ITGA1: variants seen among roughly 807,000 people sequenced by gnomAD.
ITGA1 encodes integrin alpha-1.
ITGA1 carries 85 observed loss-of-function variants against 145.9 expected under a neutral mutation model. The ratio of observed to expected loss-of-function variants is 0.58; its 90% confidence interval spans 0.49 to 0.70. ITGA1 has a LOEUF of 0.70. Ranked by LOEUF, ITGA1 falls within the 30% of genes least tolerant of loss-of-function variation. The pLI, the probability that ITGA1 is intolerant of heterozygous loss-of-function variation, is 0.00. For synonymous variants in ITGA1, 520 were observed against 495.3 expected (o/e 1.05, Z -0.66); for missense variants, 1,351 against 1,418.7 (o/e 0.95, Z 0.77).
chr5:52,801,405 C>G, intron 1 of ITGA1: 1 of 1,604,638 alleles, frequency 6.2e-7, no homozygotes, highest in Non-Finnish European at 8.5e-7. Flanking sequence ...AATTGTGATT[C>G]TAGGTACATG....
At chr5:52,848,474 C>T (rs148608998) in intron 1 of ITGA1, among the ~76,000 whole-genome samples, 1 of 152,270 alleles carries the variant, frequency 6.6e-6, no homozygotes, top group African/African-American at 2.4e-5. Context: ...CTGAAAACCT[C>T]AGCTCTAGGA....
chr5:52,881,939 G>A lies in ITGA1; in HGVS notation c.691G>A (p.Glu231Lys), dbSNP rs566771453. 512 of 1,613,798 alleles carry A rather than the reference G, an allele frequency of 3.2e-4. 5 individuals carry two copies. The South Asian group carries it at 4.9e-3, about 15-fold the overall frequency. Residue 231 changes from glutamate to lysine, a missense_variant, in exon 7 of 29, where the codon GAA becomes AAA. Transcript: ENST00000282588. ...CAACCTCAATAAGTATTCTTCCACC[G>A]AAGAGGTACTTGTTGCAGCAAAGAA... ...EFNLNKYSST[E>K]EVLVAAKKIV...
intron 6 of ITGA1, among the ~76,000 whole-genome samples, chr5:52,878,693 T>C (rs1304197900): frequency 6.6e-6 from 1 of 152,062 alleles, no homozygotes; most frequent in Non-Finnish European, 1.5e-5. Flanking sequence ...TAGTAAAAAA[T>C]AGTTGTAGTG....
At position 52,925,286 on chromosome 5, in the gene ITGA1, TG is replaced by T; in HGVS notation, c.2413del (p.Ala805ProfsTer26). On this transcript the variant is annotated frameshift_variant, in exon 19 of 29. Coordinates refer to ENST00000282588, the MANE Select transcript of ITGA1 (RefSeq NM_181501.2). LOFTEE classifies it high-confidence loss of function. The part of the protein sequence containing the change: ...PNSVHEYIPF[A>X]KDCGNKEKCI... ...TCCTGTCATCATTTCAGATTCCCTT[TG>T]CCAAAGATTGTGGAAATAAGGAAAA... The T allele has an allele frequency of 6.2e-7, 1 of 1,613,618 alleles. No individual in the cohort carries two copies. The highest frequency in any genetic ancestry group is 8.5e-7 in the Non-Finnish European group (1 of 1,179,542).
rs779902266 is a variant in ITGA1 at position 52,800,380 on chromosome 5, GC to G, written c.61+11970del. On this transcript the variant is annotated intron_variant, in intron 1 of 28. Transcript: ENST00000282588. The stretch of plus-strand genomic sequence containing the variant: ...TTGGTTCCTTTGGTTCTGTCAGTGA[GC>G]CCCTTCCTTGGCCATGAAGCTCGTG... 1.9e-6 allele frequency: 3 copies of G among 1,613,408 alleles called. No individual in the cohort carries two copies. In the Admixed American group the frequency reaches 5.0e-5, roughly 27 times the overall value.
chr5:52,865,171 T>A, intron 5 of ITGA1, 89 bp downstream of exon 5: 1 of 942,806 alleles, frequency 1.1e-6, no homozygotes, highest in Non-Finnish European at 1.6e-6. Context: ...CCAAAAAGCT[T>A]AAAGTATTTT....
At chr5:52,812,021 C>T (rs1232045354) in intron 1 of ITGA1, among the ~76,000 whole-genome samples, 3 of 152,142 alleles carry the variant, frequency 2.0e-5, no homozygotes, top group Admixed American at 1.3e-4. Context: ...TATCTGCAGC[C>T]AGGTTAAACC....
intron 1 of ITGA1, among the ~76,000 whole-genome samples, chr5:52,842,755 G>A (rs763677308): frequency 6.7e-6 from 1 of 149,784 alleles, no homozygotes; most frequent in Non-Finnish European, 1.5e-5. Flanking sequence ...GCACGATCTC[G>A]GCTTACTGCA....
chr5:52,934,819 A>G lies in ITGA1; in HGVS notation c.2964+823A>G, dbSNP rs114146103. On this transcript the variant is annotated intron_variant, in intron 23 of 28. Transcript: ENST00000282588. The stretch of plus-strand genomic sequence containing the variant: ...CAACCACAAAAAAAAGTTCTCTCAT[A>G]GAGTATAAATAAACGTATACTCCCA... Among the ~76,000 whole-genome samples the G allele has an allele frequency of 8.3e-3, 1,268 of 152,108 alleles. 10 individuals are homozygous for G. The highest frequency in any genetic ancestry group is 0.013 in the Non-Finnish European group (873 of 67,846).
intron 1 of ITGA1, among the ~76,000 whole-genome samples, chr5:52,837,763 C>T (rs1489521873): frequency 1.3e-5 from 2 of 151,666 alleles, no homozygotes; most frequent in Non-Finnish European, 2.9e-5. Context: ...GAGTTTGGAT[C>T]GAAGGATGTT....
chr5:52,810,682 A>G (rs1748671100), intron 1 of ITGA1, among the ~76,000 whole-genome samples: 1 of 152,224 alleles, frequency 6.6e-6, no homozygotes, highest in African/African-American at 2.4e-5. Context: ...ATACACTAGT[A>G]GGTTTTCAAG....
At chr5:52,897,835 G>C (rs1425356265) in intron 10 of ITGA1, among the ~76,000 whole-genome samples, 2 of 40,222 alleles carry the variant, frequency 5.0e-5, no homozygotes, top group African/African-American at 2.0e-4. Flanking sequence ...TACAGATGTG[G>C]AATATTTTTC....
At chr5:52,788,823 T>C (rs896859981) in intron 1 of ITGA1, among the ~76,000 whole-genome samples, 1 of 152,044 alleles carries the variant, frequency 6.6e-6, no homozygotes, top group African/African-American at 2.4e-5. Context: ...ATTCCTACCC[T>C]CGGGTTGTTC....
intron 11 of ITGA1, among the ~76,000 whole-genome samples, chr5:52,899,582 A>G (rs561608145): frequency 1.9e-4 from 29 of 152,278 alleles, no homozygotes; most frequent in Non-Finnish European, 3.7e-4. Flanking sequence ...ATCACATACT[A>G]CAAGGAGAAA....
At chr5:52,809,786 A>G (rs924372166) in intron 1 of ITGA1, among the ~76,000 whole-genome samples, 3 of 152,108 alleles carry the variant, frequency 2.0e-5, no homozygotes, top group Non-Finnish European at 2.9e-5. Context: ...TACAGGCGTG[A>G]GTCACTGCAC....
intron 1 of ITGA1, among the ~76,000 whole-genome samples, chr5:52,821,417 A>T (rs987557342): frequency 3.3e-5 from 5 of 152,196 alleles, no homozygotes; most frequent in South Asian, 2.1e-4. Flanking sequence ...AAAAAATAAG[A>T]ATATTCCCTC....
intron 1 of ITGA1, chr5:52,802,453 T>C (rs1423322120): frequency 6.6e-6 from 1 of 152,222 alleles, no homozygotes; most frequent in Non-Finnish European, 1.5e-5. Flanking sequence ...GGTTTTGGTT[T>C]GTTGTTGTTA....
intron 1 of ITGA1, among the ~76,000 whole-genome samples, chr5:52,807,110 A>G (rs1332016285): frequency 6.6e-6 from 1 of 152,210 alleles, no homozygotes. Flanking sequence ...CTATAATGTC[A>G]GAGATTTAAG....
intron 3 of ITGA1, among the ~76,000 whole-genome samples, chr5:52,862,346 A>G (rs1322824434): frequency 6.6e-6 from 1 of 152,026 alleles, no homozygotes; most frequent in Non-Finnish European, 1.5e-5. Context: ...ATCTATAATC[A>G]TTTTTCATAT....
Sources: allele counts gnomAD v4.1 joint callset (sites outside exome capture counted in the v4.1 genomes callset), GRCh38; gene constraint gnomAD v4.1.1; transcripts MANE v1.5; gene names NCBI Gene and HGNC (gene_info 2026-07-23, HGNC 2026-07-21).